WDR75: variants seen among roughly 807,000 people sequenced by gnomAD.
WDR75 encodes WD repeat domain 75.
WDR75 carries 52 observed loss-of-function variants against 106.1 expected under a neutral mutation model. That is an observed-to-expected ratio of 0.49 (90% CI 0.39 to 0.62). The LOEUF (loss-of-function observed/expected upper bound fraction) is 0.62, where lower values mean the gene tolerates loss of function less well. Ranked by LOEUF, WDR75 falls within the 20% of genes least tolerant of loss-of-function variation. The pLI is 0.00. For missense variants in WDR75, 905 were observed against 970.3 expected (o/e 0.93, Z 0.89); for synonymous variants, 333 against 335.5 (o/e 0.99, Z 0.08).
chr2:189,474,321 G>T lies in WDR75; in HGVS notation c.2185G>T (p.Ala729Ser), dbSNP rs151070438. 3.5e-4 allele frequency: 568 copies of T among 1,607,462 alleles called. No homozygotes were observed. The highest frequency in any genetic ancestry group is 9.9e-4 in the Middle Eastern group (6 of 6,042). ...VQLPLTENIP[A>S]ISELLHTPAH... is the part of the protein sequence containing the mutation. ...ACTACCCTTAACAGAAAACATACCC[G>T]CAATTAGTGAGGTAAGTAATTATGA... Residue 729 changes from alanine (A) to serine (S), a missense_variant, in exon 19 of 21, where the codon GCA becomes TCA. Ala to Ser is a moderately conservative substitution (Grantham distance 99). Transcript: ENST00000314761.
chr2:189,445,021 G>T (rs1172984148), intron 1 of WDR75, among the ~76,000 whole-genome samples: 1 of 152,098 alleles, frequency 6.6e-6, no homozygotes, highest in Non-Finnish European at 1.5e-5. Context: ...TATGTGACAG[G>T]TGTTGTGGTG....
At chr2:189,457,793 G>A (rs1025561649) in intron 6 of WDR75, among the ~76,000 whole-genome samples, 2 of 152,132 alleles carry the variant, frequency 1.3e-5, no homozygotes, top group Non-Finnish European at 2.9e-5. Flanking sequence ...ATTTAAAATA[G>A]AGATAATATC....
In WDR75 at chr2:189,462,537, G is replaced by A. The variant is rs1558986477; in HGVS notation, c.832G>A (p.Ala278Thr). 1.9e-6 allele frequency: 3 copies of A among 1,614,098 alleles called. No individual in the cohort carries two copies. The highest frequency in any genetic ancestry group is 2.5e-6 in the Non-Finnish European group (3 of 1,179,980). ...RESVLVEWRD[A>T]TEKNKEFLPR... is the part of the protein sequence containing the mutation. ...ATCTGTACTTGTAGAGTGGCGCGAT[G>A]CAACAGAGAAGAATAAGGAGTTTCT... The change falls in exon 9 of 21, where the codon GCA becomes ACA. Residue 278 changes from alanine (A) to threonine (T), a missense_variant. Coordinates refer to ENST00000314761, the MANE Select transcript of WDR75 (RefSeq NM_032168.3).
At position 189,468,564 on chromosome 2, in the gene WDR75, G is replaced by A. The variant is rs771960444; in HGVS notation, c.1718G>A (p.Cys573Tyr). The A allele has an allele frequency of 5.6e-6, 9 of 1,613,006 alleles. No individual in the cohort carries two copies. In the East Asian group the frequency reaches 8.9e-5, roughly 16 times the overall value. The change falls in exon 15 of 21, where the codon TGT (cysteine) becomes TAT (tyrosine). Residue 573 changes from cysteine (C) to tyrosine (Y), a missense_variant. Cys to Tyr is a radical substitution (Grantham distance 194). Coordinates refer to ENST00000314761, the MANE Select transcript of WDR75 (RefSeq NM_032168.3). ...GILCCWNLLS[C>Y]ALEWNAKLNV... ...CTTTGCTGTTGGAATCTGCTGAGCT[G>A]TGCATGTAAGATATTTTTTACTCTA...
At chr2:189,452,223 C>T (rs969194340) in intron 4 of WDR75, among the ~76,000 whole-genome samples, 1 of 152,106 alleles carries the variant, frequency 6.6e-6, no homozygotes, top group Non-Finnish European at 1.5e-5. Flanking sequence ...TATCATTGAA[C>T]ACTTCTCACT....
At chr2:189,469,994 G>A in intron 16 of WDR75, 82 bp from the exon 17 acceptor site, 1 of 1,266,406 alleles carries the variant, frequency 7.9e-7, no homozygotes, top group Non-Finnish European at 1.1e-6. Flanking sequence ...GTGAGTCCCA[G>A]GATTAGTGTG....
intron 11 of WDR75, 44 bp from the exon 12 acceptor site, chr2:189,465,035 A>C (rs1686971800): frequency 1.5e-6 from 2 of 1,364,106 alleles, no homozygotes; most frequent in Admixed American, 2.1e-5. Context: ...TTGTGTATTT[A>C]TGTTAATAAA....
intron 5 of WDR75, 87 bp downstream of exon 5, chr2:189,455,531 T>A (rs1686715841): frequency 4.1e-6 from 6 of 1,474,356 alleles, no homozygotes; most frequent in Non-Finnish European, 5.5e-6. Context: ...TTACAGTGAT[T>A]TTATATTCCC....
intron 9 of WDR75, 137 bp from the exon 10 acceptor site, chr2:189,463,557 A>AAAT (rs112645995): frequency 0.04 from 28,224 of 714,452 alleles, 846 homozygotes; most frequent in African/African-American, 0.13. Context: ...GATGAGCTAA[A>AAAT]AATAATAATA....
At chr2:189,445,165 T>A (rs1686470033) in intron 1 of WDR75, among the ~76,000 whole-genome samples, 1 of 152,348 alleles carries the variant, frequency 6.6e-6, no homozygotes, top group African/African-American at 2.4e-5. Flanking sequence ...ATTTACATTT[T>A]ACAGTGGCTA....
chr2:189,448,923 TATTG>T (rs1305224947), intron 2 of WDR75: 2 of 468,472 alleles, frequency 4.3e-6, no homozygotes, highest in Non-Finnish European at 8.8e-6. Flanking sequence ...GGCCAGGAGG[TATTG>T]ATTTGGTAGA....
Position 189,466,493 on chromosome 2 carries a change from C to A in WDR75, c.1358C>A (p.Ala453Glu), listed in dbSNP as rs762894427. ...DCITALCFCN[A>E]EKSEQPTLVT... ...ATTACAGCTCTCTGTTTCTGTAATGCAGAAAAATCTGAACAGCCCACCTTG... is the reference window on the plus strand; with the variant it reads ...ATTACAGCTCTCTGTTTCTGTAATGAAGAAAAATCTGAACAGCCCACCTTG... The change falls in exon 13 of 21, where the codon GCA becomes GAA. Residue 453 changes from alanine to glutamate, a missense_variant. Ala to Glu is a moderately radical substitution (Grantham distance 107, BLOSUM62 -1). Coordinates refer to ENST00000314761, the MANE Select transcript of WDR75 (RefSeq NM_032168.3). 2 of 1,613,162 alleles carry A rather than the reference C, an allele frequency of 1.2e-6. No individual in the cohort carries two copies.
In WDR75 at chr2:189,469,754, C is replaced by T. The variant is rs544821919; in HGVS notation, c.1819+315C>T. Among the ~76,000 whole-genome samples the T allele has an allele frequency of 2.0e-5, 3 of 152,192 alleles. No homozygotes were observed. The South Asian group carries it at 6.2e-4, about 32-fold the overall frequency. The stretch of plus-strand genomic sequence containing the variant: ...TTGGTCATCCTCTATGTTCTTGAAG[C>T]AGTTTCTACATATCTCATTTCTAGT... On this transcript the variant is annotated intron_variant, in intron 16 of 20. Transcript: ENST00000314761.
chr2:189,470,141 G>A lies in WDR75; in HGVS notation c.1885G>A (p.Val629Ile). 1.2e-6 allele frequency: 2 copies of A among 1,613,618 alleles called. No individual in the cohort carries two copies. Among genetic ancestry groups the A allele is most frequent in the Non-Finnish European group, 1.7e-6 (2 of 1,179,648 alleles). Residue 629 changes from valine (V) to isoleucine (I), a missense_variant, in exon 17 of 21, where the codon GTC becomes ATC. Coordinates refer to ENST00000314761, the MANE Select transcript of WDR75 (RefSeq NM_032168.3). Reference protein sequence around the residue: ...YIQKGISREKVQWGVFVPRDV... With the variant: ...YIQKGISREKIQWGVFVPRDV... The stretch of plus-strand genomic sequence containing the variant: ...TCAAAAGGGTATCTCCAGAGAGAAA[G>A]TCCAGTGGGGAGTGTTTGTTCCACG...
At chr2:189,474,688 T>C (rs769879506) in intron 19 of WDR75, 29 bp from the exon 20 acceptor site, 1 of 1,595,700 alleles carries the variant, frequency 6.3e-7, no homozygotes. Context: ...AGCTTTTTAA[T>C]TGCAACCGTG....
Position 189,455,402 on chromosome 2 carries a change from T to C in WDR75, c.456T>C (p.Asp152=), listed in dbSNP as rs1686712361. Residue 152 remains aspartate (D), a synonymous_variant, in exon 5 of 21, where the codon GAT becomes GAC. Coordinates refer to ENST00000314761, the MANE Select transcript of WDR75 (RefSeq NM_032168.3). ...CCAAGGAGCTGTCCTTTGTTTTGGA[T>C]TACATAAACCAGTCACCCAAGTGCA... ...VEAKELSFVL[D]YINQSPKCIA... 1 of 1,614,014 alleles carries C rather than the reference T, an allele frequency of 6.2e-7. No homozygotes were observed. The highest frequency in any genetic ancestry group is 8.5e-7 in the Non-Finnish European group (1 of 1,180,002).
intron 5 of WDR75, among the ~76,000 whole-genome samples, chr2:189,455,780 G>GAAATAAAA (rs1686723316): frequency 6.6e-6 from 1 of 152,088 alleles, no homozygotes; most frequent in Non-Finnish European, 1.5e-5. Context: ...ATATAATGAG[G>GAAATAAAA]AAATAAAACC....
At chr2:189,474,487 T>C (rs904842313) in intron 19 of WDR75, among the ~76,000 whole-genome samples, 155 bp downstream of exon 19, 1 of 152,220 alleles carries the variant, frequency 6.6e-6, no homozygotes, top group Non-Finnish European at 1.5e-5. Flanking sequence ...AACCTTGTGA[T>C]CTGGGATTGT....
intron 6 of WDR75, among the ~76,000 whole-genome samples, chr2:189,458,170 G>A (rs558010372): frequency 6.6e-6 from 1 of 152,152 alleles, no homozygotes; most frequent in South Asian, 2.1e-4. Flanking sequence ...TGATCCACCC[G>A]CCTCAGCCTC....
Sources: allele counts gnomAD v4.1 joint callset (sites outside exome capture counted in the v4.1 genomes callset), GRCh38; gene constraint gnomAD v4.1.1; transcripts MANE v1.5; gene names NCBI Gene and HGNC (gene_info 2026-07-23, HGNC 2026-07-21).